The following NDRG1 variants were observed in gnomAD, a reference collection of about 807,000 sequenced individuals.
The protein encoded by NDRG1 is protein NDRG1.
Under a neutral mutation model 56.9 loss-of-function variants are expected in NDRG1, and 32 were observed. That is an observed-to-expected ratio of 0.56 (90% CI 0.42 to 0.76). The LOEUF (loss-of-function observed/expected upper bound fraction) is 0.76, where lower values mean the gene tolerates loss of function less well. NDRG1 is among the 30% of genes least tolerant of loss of function. The probability of loss-of-function intolerance (pLI) is 0.00; values close to 1 mark genes in which losing one functional copy is unlikely to be tolerated. For synonymous variants in NDRG1, 211 were observed against 204.1 expected, an observed-to-expected ratio of 1.03 and a Z score of -0.29; for missense variants, 507 against 545.7, an observed-to-expected ratio of 0.93 and a Z score of 0.71.
chr8:133,286,579 T>C (rs1395890370), intron 1 of NDRG1, among the ~76,000 whole-genome samples: 2 of 152,210 alleles, frequency 1.3e-5, no homozygotes, highest in Admixed American at 6.5e-5. Context: ...CCTAGAAATA[T>C]CAAGTTCTTG....
chr8:133,285,940 C>G (rs1174235020), intron 1 of NDRG1, among the ~76,000 whole-genome samples: 1 of 152,208 alleles, frequency 6.6e-6, no homozygotes, highest in Non-Finnish European at 1.5e-5. Flanking sequence ...GCCTAGGGAG[C>G]CTTCCAGAAA....
At chr8:133,285,994 G>A (rs900132848) in intron 1 of NDRG1, among the ~76,000 whole-genome samples, 6 of 152,154 alleles carry the variant, frequency 3.9e-5, no homozygotes, top group African/African-American at 1.4e-4. Context: ...GGAGTGAAAG[G>A]ACTTCTCATT....
At chr8:133,244,427 C>T (rs1256039282) in intron 13 of NDRG1, 37 bp from the exon 14 acceptor site, 3 of 1,613,856 alleles carry the variant, frequency 1.9e-6, no homozygotes, top group Non-Finnish European at 2.5e-6. Flanking sequence ...CCAAACACCA[C>T]AGCCAAGGCC....
intron 3 of NDRG1, among the ~76,000 whole-genome samples, chr8:133,276,506 A>C (rs11776198): frequency 0.43 from 65,117 of 152,082 alleles, 14,632 homozygotes; most frequent in South Asian, 0.65. Flanking sequence ...GGAGGGAACC[A>C]GTGGGAGGTA....
At chr8:133,246,105 C>T (rs1564281568) in intron 13 of NDRG1, among the ~76,000 whole-genome samples, 3 of 152,336 alleles carry the variant, frequency 2.0e-5, no homozygotes, top group Admixed American at 6.5e-5. Flanking sequence ...CATCTCCGGA[C>T]GAGGCCGCCA....
chr8:133,257,372 T>C (rs1213768499), intron 7 of NDRG1, among the ~76,000 whole-genome samples: 1 of 151,144 alleles, frequency 6.6e-6, no homozygotes, highest in Non-Finnish European at 1.5e-5. Context: ...TCTGAGAAAA[T>C]TCATCATTAG....
intron 10 of NDRG1, among the ~76,000 whole-genome samples, chr8:133,248,974 A>G (rs1855857878): frequency 6.6e-6 from 1 of 152,052 alleles, no homozygotes; most frequent in Admixed American, 6.5e-5. Flanking sequence ...AGCACAACAC[A>G]TGCATTTCAA....
Position 133,256,781 on chromosome 8 carries a change from G to C in NDRG1, c.533C>G (p.Ser178Cys). 1 of 1,614,134 alleles carries C rather than the reference G, an allele frequency of 6.2e-7. No individual in the cohort carries two copies. Among genetic ancestry groups the C allele is most frequent in the South Asian group, 1.1e-5 (1 of 91,066 alleles). Residue 178 changes from serine to cysteine, a missense_variant, in exon 8 of 16, where the codon TCC becomes TGC. Physicochemically the swap from Ser to Cys is moderately radical, Grantham distance 112 (BLOSUM62 -1). Transcript: ENST00000323851. The part of the protein sequence containing the change: ...CAEGWMDWAA[S>C]KISGWTQALP... The stretch of plus-strand genomic sequence containing the variant: ...CCTGACAGGCCCCCACCTCACCTTG[G>C]AGGCGGCCCAGTCCATCCAGCCTTC...
chr8:133,265,873 G>A (rs1043133393), intron 3 of NDRG1, among the ~76,000 whole-genome samples: 2 of 152,180 alleles, frequency 1.3e-5, no homozygotes, highest in Admixed American at 1.3e-4. Flanking sequence ...CCTCCTCAAG[G>A]TCAACCAGAA....
chr8:133,238,333 C>T lies in NDRG1; in HGVS notation c.*545G>A, dbSNP rs747514796. On this transcript the variant is annotated 3_prime_UTR_variant, in exon 16 of 16. Transcript: ENST00000323851. ...TTGTTGTTCCAAATGCCTCTAGCCT[C>T]GACATGAATCCCACCTTTTCCCCCT... The T allele has an allele frequency of 1.3e-5, 3 of 234,314 alleles. No individual in the cohort carries two copies. Among genetic ancestry groups the T allele is most frequent in the South Asian group, 1.8e-4 (1 of 5,574 alleles). 14.5% of individuals were successfully genotyped at this position (234,314 alleles called of 1,614,324 possible).
rs36215434 is a variant in NDRG1 at position 133,296,694 on chromosome 8, G to GAC, written c.-19+438_-19+439dup. 41,264 of 268,462 alleles carry GAC rather than the reference G, an allele frequency of 0.15. 2,765 individuals carry two copies. The highest frequency in any genetic ancestry group is 0.17 in the East Asian group (1,433 of 8,214). The allele number at this position is 268,462 out of a possible 1,614,324, so 16.6% of individuals were successfully genotyped here. ...CGCAATCTCTCCGTTCCCAGACACA[G>GAC]ACACACACACACACACACACACACA... On this transcript the variant is annotated intron_variant, in intron 1 of 15. Coordinates refer to ENST00000323851, the MANE Select transcript of NDRG1 (RefSeq NM_006096.4).
intron 1 of NDRG1, among the ~76,000 whole-genome samples, chr8:133,288,879 G>T (rs115009469): frequency 6.6e-6 from 1 of 152,102 alleles, no homozygotes; most frequent in African/African-American, 2.4e-5. Flanking sequence ...CCAAAAACAG[G>T]GCTCCAGGTC....
chr8:133,290,965 G>A (rs952809617), intron 1 of NDRG1, among the ~76,000 whole-genome samples: 2 of 152,188 alleles, frequency 1.3e-5, no homozygotes, highest in Non-Finnish European at 2.9e-5. Context: ...AGGCCCACTT[G>A]ACTTCCAAAG....
Position 133,283,940 on chromosome 8 carries a change from T to C in NDRG1, c.63+309A>G, listed in dbSNP as rs1586488829. 4.6e-5 allele frequency among the ~76,000 whole-genome samples: 7 copies of C among 152,306 alleles called. No homozygotes were observed. In the South Asian group the frequency reaches 1.5e-3, roughly 32 times the overall value. Reference sequence around the variant, plus strand: ...TGGTTCGATGTCTTCACTTTACAAATGAGAGCAGAAAGGCCCAGAGAAGTG... The same window carrying C: ...TGGTTCGATGTCTTCACTTTACAAACGAGAGCAGAAAGGCCCAGAGAAGTG... On this transcript the variant is annotated intron_variant, in intron 2 of 15. Transcript: ENST00000323851.
intron 1 of NDRG1, among the ~76,000 whole-genome samples, chr8:133,293,818 T>G (rs1858571937): frequency 6.6e-6 from 1 of 152,128 alleles, no homozygotes; most frequent in Non-Finnish European, 1.5e-5. Flanking sequence ...AAATGTGCAT[T>G]TCAGACAAGA....
rs751843731 is a variant in NDRG1, at chr8:133,254,529, C to T, written c.594+10G>A. ...CAGGAACAACAGATTTGCCAGACCA[C>T]GCAACTCACCTTCCCAAAAAGGTGG... On this transcript the variant is annotated intron_variant, in intron 9 of 15. Coordinates refer to ENST00000323851, the MANE Select transcript of NDRG1 (RefSeq NM_006096.4). 6.3e-5 allele frequency: 101 copies of T among 1,613,888 alleles called. No homozygotes were observed. In the South Asian group the frequency reaches 6.9e-4, roughly 11 times the overall value.
chr8:133,294,322 G>A (rs1858609346), intron 1 of NDRG1, among the ~76,000 whole-genome samples: 1 of 152,198 alleles, frequency 6.6e-6, no homozygotes, highest in African/African-American at 2.4e-5. Context: ...ATACGATCCA[G>A]GCAACGTTCT....
chr8:133,273,950 T>C (rs2977505), intron 3 of NDRG1, among the ~76,000 whole-genome samples: 131,192 of 152,124 alleles, frequency 0.86, 56,747 homozygotes, highest in East Asian at 1. Flanking sequence ...AACCTGATGC[T>C]GGAGGCCTCT....
Position 133,248,275 on chromosome 8 carries a change from A to G in NDRG1, c.756-349T>C, listed in dbSNP as rs534723990. ...CGTGCCAGGTTCCCAAGTGTCACAC[A>G]ACGCGGTGCACTCAGCCACAAAAAG... On this transcript the variant is annotated intron_variant, in intron 11 of 15. Transcript: ENST00000323851. Among the ~76,000 whole-genome samples the G allele has an allele frequency of 7.9e-5, 12 of 152,322 alleles. No individual in the cohort carries two copies. In the South Asian group the frequency reaches 2.5e-3, roughly 32 times the overall value.
Sources: gnomAD v4.1 joint callset for allele counts (sites outside exome capture counted in the v4.1 genomes callset) on GRCh38, gnomAD v4.1.1 for gene constraint, MANE v1.5 for transcripts, NCBI Gene and HGNC (gene_info 2026-07-23, HGNC 2026-07-21) for gene names.